The following RIT2 variants were observed in gnomAD, a reference collection of about 807,000 sequenced individuals.
RIT2 encodes GTP-binding protein Rit2.
A neutral mutation model predicts 23.7 loss-of-function variants in RIT2; 24 were observed. The observed-to-expected ratio is 1.01, with a 90% CI of 0.73 to 1.43. The LOEUF is 1.43. Ranked by LOEUF, RIT2 falls within the 40% of genes most tolerant of loss-of-function variation. The pLI is 0.00. For synonymous variants in RIT2, 107 were observed against 91.1 expected (o/e 1.17, Z -0.99); for missense variants, 236 against 266.9 (o/e 0.88, Z 0.81).
rs184817493 is a variant in RIT2, at chr18:43,023,686, C to T, written c.160+10125G>A. On this transcript the variant is annotated intron_variant, in intron 2 of 4. Transcript: ENST00000326695. ...TATTGATTCTCTGCTATAAACCACA[C>T]ACTGATCATTTTTGGGAGACTCCAA... 6.0e-3 allele frequency among the ~76,000 whole-genome samples: 912 copies of T among 152,188 alleles called. 5 individuals carry two copies. The highest frequency in any genetic ancestry group is 0.021 in the African/African-American group (855 of 41,558).
intron 4 of RIT2, among the ~76,000 whole-genome samples, chr18:42,799,542 A>C (rs185782463): frequency 6.6e-6 from 1 of 152,210 alleles, no homozygotes; most frequent in African/African-American, 2.4e-5. Flanking sequence ...CAGCTTCCTT[A>C]ATCTATTTTC....
intron 2 of RIT2, among the ~76,000 whole-genome samples, chr18:43,024,913 T>C (rs1911677078): frequency 6.6e-6 from 1 of 151,882 alleles, no homozygotes; most frequent in African/African-American, 2.4e-5. Context: ...TGGCTATCAT[T>C]AACAAGCCAA....
In RIT2 at chr18:42,989,751, T is replaced by C. The variant is rs186255766; in HGVS notation, c.161-15604A>G. On this transcript the variant is annotated intron_variant, in intron 2 of 4. Coordinates refer to ENST00000326695, the MANE Select transcript of RIT2 (RefSeq NM_002930.4). The stretch of plus-strand genomic sequence containing the variant: ...TCTCTGTAGATTCAAAATGTAGCCA[T>C]AGAATATTCTTTCACAGCTCTTCGT... Among the ~76,000 whole-genome samples the C allele has an allele frequency of 1.1e-3, 163 of 152,298 alleles. 1 individual carries two copies. The East Asian group carries it at 0.018, about 16-fold the overall frequency.
At chr18:43,028,649 T>C (rs1324130030) in intron 2 of RIT2, among the ~76,000 whole-genome samples, 1 of 152,102 alleles carries the variant, frequency 6.6e-6, no homozygotes, top group Non-Finnish European at 1.5e-5. Flanking sequence ...TTCTGACTAG[T>C]AGTAATATCC....
intron 4 of RIT2, among the ~76,000 whole-genome samples, chr18:42,754,119 CA>C (rs1395682895): frequency 1.3e-5 from 2 of 152,114 alleles, no homozygotes; most frequent in African/African-American, 4.8e-5. Flanking sequence ...GCAAACTAAG[CA>C]AAAAACTCAA....
At chr18:43,058,153 G>T (rs1004100958) in intron 1 of RIT2, among the ~76,000 whole-genome samples, 3 of 152,056 alleles carry the variant, frequency 2.0e-5, no homozygotes, top group African/African-American at 4.8e-5. Flanking sequence ...GCACAAGCTT[G>T]GTTGTAACTG....
chr18:42,754,133 G>A (rs1236839226), intron 4 of RIT2, among the ~76,000 whole-genome samples: 1 of 152,148 alleles, frequency 6.6e-6, no homozygotes, highest in African/African-American at 2.4e-5. Flanking sequence ...AAACTCAACT[G>A]GTGAGGAGAT....
At chr18:43,025,290 C>A (rs931699917) in intron 2 of RIT2, among the ~76,000 whole-genome samples, 2 of 149,136 alleles carry the variant, frequency 1.3e-5, no homozygotes, top group South Asian at 2.1e-4. Context: ...GTGAGGATTG[C>A]AGAGCAAAGG....
chr18:43,021,120 AG>A (rs1304464099), intron 2 of RIT2, among the ~76,000 whole-genome samples: 3 of 152,128 alleles, frequency 2.0e-5, no homozygotes, highest in Non-Finnish European at 4.4e-5. Context: ...TCATCTGACA[AG>A]GCCTAATATC....
chr18:42,795,188 C>T (rs549927595), intron 4 of RIT2, among the ~76,000 whole-genome samples: 1 of 152,286 alleles, frequency 6.6e-6, no homozygotes, highest in South Asian at 2.1e-4. Context: ...ACTGTGGGAG[C>T]CCCTTTCTGG....
chr18:42,906,450 T>C (rs1908624429), intron 4 of RIT2, among the ~76,000 whole-genome samples: 1 of 152,144 alleles, frequency 6.6e-6, no homozygotes, highest in South Asian at 2.1e-4. Context: ...TTCCCTTTGA[T>C]TACAATAAAA....
At chr18:43,081,556 C>T (rs1913158389) in intron 1 of RIT2, among the ~76,000 whole-genome samples, 1 of 152,116 alleles carries the variant, frequency 6.6e-6, no homozygotes, top group African/African-American at 2.4e-5. Flanking sequence ...ATCAGGAGTT[C>T]TCCACCTTGA....
At chr18:42,753,339 A>G (rs574846418) in intron 4 of RIT2, among the ~76,000 whole-genome samples, 23 of 152,330 alleles carry the variant, frequency 1.5e-4, no homozygotes, top group Non-Finnish European at 2.6e-4. Context: ...GTGGTTGCCT[A>G]ATAAGCTATA....
chr18:43,027,497 A>T (rs1190227043), intron 2 of RIT2, among the ~76,000 whole-genome samples: 1 of 151,976 alleles, frequency 6.6e-6, no homozygotes, highest in East Asian at 1.9e-4. Flanking sequence ...AGTTCACCTA[A>T]GTTAATAAGT....
chr18:42,790,814 G>A (rs570224066), intron 4 of RIT2, among the ~76,000 whole-genome samples: 4 of 152,162 alleles, frequency 2.6e-5, no homozygotes, highest in Non-Finnish European at 4.4e-5. Flanking sequence ...TTAATGATGT[G>A]TTCTCATTTT....
At chr18:42,866,855 T>C (rs1253393423) in intron 4 of RIT2, among the ~76,000 whole-genome samples, 3 of 152,172 alleles carry the variant, frequency 2.0e-5, no homozygotes, top group Non-Finnish European at 2.9e-5. Context: ...CAAAAAGTCC[T>C]CATTATAGAG....
intron 2 of RIT2, among the ~76,000 whole-genome samples, chr18:43,002,710 A>T (rs969055227): frequency 1.3e-5 from 2 of 151,966 alleles, no homozygotes; most frequent in Admixed American, 1.3e-4. Context: ...ATCTACTATA[A>T]CACCTGTTGT....
At chr18:42,764,626 C>T (rs1360044454) in intron 4 of RIT2, among the ~76,000 whole-genome samples, 1 of 152,154 alleles carries the variant, frequency 6.6e-6, no homozygotes, top group East Asian at 1.9e-4. Flanking sequence ...TGTCCTCTTT[C>T]CCCCATAAAT....
intron 4 of RIT2, among the ~76,000 whole-genome samples, chr18:42,843,840 A>C (rs1906833780): frequency 6.6e-6 from 1 of 152,226 alleles, no homozygotes; most frequent in Non-Finnish European, 1.5e-5. Context: ...ATTTTCCCAG[A>C]GAAACTGATA....
Sources: allele counts gnomAD v4.1 joint callset (sites outside exome capture counted in the v4.1 genomes callset), GRCh38; gene constraint gnomAD v4.1.1; transcripts MANE v1.5; gene names NCBI Gene and HGNC (gene_info 2026-07-23, HGNC 2026-07-21).